The following SNRPC variants were observed in gnomAD, a reference collection of about 807,000 sequenced individuals.
SNRPC encodes small nuclear ribonucleoprotein polypeptide C, also known as U1 small nuclear ribonucleoprotein C.
Under a neutral mutation model 20.0 loss-of-function variants are expected in SNRPC, and 5 were observed. The observed-to-expected ratio is 0.25, with a 90% CI of 0.13 to 0.53. The LOEUF (loss-of-function observed/expected upper bound fraction) is 0.53. SNRPC is among the 20% of genes least tolerant of loss of function. The probability of loss-of-function intolerance (pLI) is 0.96; values close to 1 mark genes in which losing one functional copy is unlikely to be tolerated. For missense variants in SNRPC, 112 were observed against 224.1 expected (o/e 0.50, Z 3.19); for synonymous variants, 61 against 58.7 (o/e 1.04, Z -0.18).
intron 4 of SNRPC, among the ~76,000 whole-genome samples, chr6:34,769,893 T>C (rs1482385169): frequency 6.6e-6 from 1 of 152,210 alleles, no homozygotes; most frequent in East Asian, 1.9e-4. Flanking sequence ...TTTCAGAATT[T>C]GAAGGAGTTC....
At chr6:34,762,464 TTAAG>T in intron 2 of SNRPC, 127 bp from the exon 3 acceptor site, 2 of 584,378 alleles carry the variant, frequency 3.4e-6, no homozygotes, top group Admixed American at 6.3e-5. Flanking sequence ...GATAATGTTT[TTAAG>T]TAATACTGTA....
intron 2 of SNRPC, among the ~76,000 whole-genome samples, chr6:34,761,513 A>ATTTTTTTTTTTTTTTTTTTTTTTTTTTT: frequency 1.2e-5 from 1 of 85,648 alleles, no homozygotes; most frequent in Non-Finnish European, 2.1e-5. Flanking sequence ...ACAAGGAACA[A>ATTTTTTTTTTTTTTTTTTTTTTTTTTTT]TTTTTTTTTT....
chr6:34,764,196 T>C (rs1764582794), intron 3 of SNRPC, among the ~76,000 whole-genome samples: 3 of 146,512 alleles, frequency 2.0e-5, no homozygotes, highest in African/African-American at 7.6e-5. Flanking sequence ...ATACAAAAAA[T>C]TGGCCGGGCG....
rs376681277 is a variant in SNRPC, at chr6:34,760,774, T to A, written c.52-1821T>A. ...TTAGAAATGTGTAAAATCAGCTGGGTGTGGTGGCTTACACCTGTAATCCCA... is the reference window on the plus strand; with the variant it reads ...TTAGAAATGTGTAAAATCAGCTGGGAGTGGTGGCTTACACCTGTAATCCCA... On this transcript the variant is annotated intron_variant, in intron 2 of 5. Transcript: ENST00000244520. 3.3e-5 allele frequency among the ~76,000 whole-genome samples: 5 copies of A among 152,096 alleles called. No homozygotes were observed. The East Asian group carries it at 5.8e-4, about 18-fold the overall frequency.
rs758251675 is a variant in SNRPC, at chr6:34,767,892, T to TTC, written c.161-16_161-15insTC. 5.4e-6 allele frequency: 8 copies of TTC among 1,472,716 alleles called. No individual in the cohort carries two copies. The highest frequency in any genetic ancestry group is 4.9e-5 in the East Asian group (2 of 40,952). 91.2% of individuals were successfully genotyped at this position (1,472,716 alleles called of 1,614,324 possible). ...TTATTCATCTTTTTTTTTTTTTTTTTCCTCACCCTCCAAAGCGGCTGCATT... is the reference window on the plus strand; with the variant it reads ...TTATTCATCTTTTTTTTTTTTTTTTTTCCCTCACCCTCCAAAGCGGCTGCATT... On this transcript the variant is annotated splice_polypyrimidine_tract_variant and intron_variant, in intron 3 of 5. Coordinates refer to ENST00000244520, the MANE Select transcript of SNRPC (RefSeq NM_003093.3).
At chr6:34,764,180 C>T (rs1764582512) in intron 3 of SNRPC, among the ~76,000 whole-genome samples, 1 of 144,760 alleles carries the variant, frequency 6.9e-6, no homozygotes, top group Admixed American at 7.5e-5. Context: ...CCCATCTCTA[C>T]TAAAAATACA....
intron 2 of SNRPC, among the ~76,000 whole-genome samples, chr6:34,760,918 C>T (rs377390328): frequency 6.6e-6 from 1 of 151,704 alleles, no homozygotes; most frequent in African/African-American, 2.4e-5. Context: ...TGTAGTGGCA[C>T]GCGCCTATAG....
At chr6:34,770,800 G>A (rs555325951) in intron 5 of SNRPC, among the ~76,000 whole-genome samples, 1 of 152,120 alleles carries the variant, frequency 6.6e-6, no homozygotes, top group Non-Finnish European at 1.5e-5. Flanking sequence ...AAGGGGGAAG[G>A]TTATAGATAC....
intron 2 of SNRPC, 80 bp from the exon 3 acceptor site, chr6:34,762,515 T>A: frequency 1.4e-6 from 1 of 729,810 alleles, no homozygotes; most frequent in Non-Finnish European, 2.4e-6. Context: ...GACACGCTAC[T>A]TATATAAAGG....
chr6:34,772,190 G>GATGTTC (rs946806221), intron 5 of SNRPC, among the ~76,000 whole-genome samples: 34 of 152,104 alleles, frequency 2.2e-4, no homozygotes, highest in African/African-American at 7.2e-4. Flanking sequence ...TGGATACATG[G>GATGTTC]ATGTTCATTA....
intron 3 of SNRPC, among the ~76,000 whole-genome samples, chr6:34,765,273 C>T (rs1192734580): frequency 1.3e-5 from 2 of 152,144 alleles, no homozygotes; most frequent in African/African-American, 4.8e-5. Flanking sequence ...AAAAATATCT[C>T]CAGGCATTGT....
chr6:34,761,256 C>T (rs576483121), intron 2 of SNRPC, among the ~76,000 whole-genome samples: 1 of 151,692 alleles, frequency 6.6e-6, no homozygotes, highest in South Asian at 2.1e-4. Context: ...TCTCCTGCCT[C>T]AGCCTCCCGA....
At chr6:34,757,618 G>C in intron 1 of SNRPC, 67 bp downstream of exon 1, 2 of 1,551,682 alleles carry the variant, frequency 1.3e-6, no homozygotes, top group Non-Finnish European at 1.8e-6. Flanking sequence ...CAGGAGCGGA[G>C]AGCGGGTTCT....
chr6:34,757,821 T>C, intron 1 of SNRPC, 91 bp from the exon 2 acceptor site: 1 of 1,607,548 alleles, frequency 6.2e-7, no homozygotes, highest in Non-Finnish European at 8.5e-7. Flanking sequence ...TTTTGTTTGT[T>C]TGTTTTGTTT....
At chr6:34,768,179 A>G (rs1322372045) in intron 4 of SNRPC, among the ~76,000 whole-genome samples, 182 bp downstream of exon 4, 1 of 152,208 alleles carries the variant, frequency 6.6e-6, no homozygotes, top group Non-Finnish European at 1.5e-5. Context: ...CTTTAGTGGT[A>G]TAATTTCTAA....
At chr6:34,766,568 A>C (rs1258657028) in intron 3 of SNRPC, among the ~76,000 whole-genome samples, 1 of 152,166 alleles carries the variant, frequency 6.6e-6, no homozygotes, top group African/African-American at 2.4e-5. Flanking sequence ...ACTTTTTGAG[A>C]ATGGGGGGGA....
At chr6:34,771,328 CAAAAAAAA>C (rs774284128) in intron 5 of SNRPC, among the ~76,000 whole-genome samples, 11 of 63,790 alleles carry the variant, frequency 1.7e-4, no homozygotes, top group Middle Eastern at 0.011. Flanking sequence ...GACTGTGTCT[CAAAAAAAA>C]AAAAAAAAAA....
chr6:34,764,288 T>C (rs1213831901), intron 3 of SNRPC, among the ~76,000 whole-genome samples: 1 of 151,378 alleles, frequency 6.6e-6, no homozygotes, highest in Non-Finnish European at 1.5e-5. Flanking sequence ...GAAACCAGCC[T>C]CAACATGGAG....
chr6:34,760,404 G>A (rs1430331915), intron 2 of SNRPC, among the ~76,000 whole-genome samples: 1 of 152,028 alleles, frequency 6.6e-6, no homozygotes, highest in Non-Finnish European at 1.5e-5. Flanking sequence ...CATTGTCCTA[G>A]AATAGAGTGC....
Sources: gnomAD v4.1 joint callset for allele counts (sites outside exome capture counted in the v4.1 genomes callset) on GRCh38, gnomAD v4.1.1 for gene constraint, MANE v1.5 for transcripts, NCBI Gene and HGNC (gene_info 2026-07-23, HGNC 2026-07-21) for gene names.